TSNARE1: variants seen among roughly 807,000 people sequenced by gnomAD.
The protein encoded by TSNARE1 is t-SNARE domain-containing protein 1.
Under a neutral mutation model 62.0 loss-of-function variants are expected in TSNARE1, and 49 were observed. The ratio of observed to expected loss-of-function variants is 0.79; its 90% CI spans 0.63 to 1.00. The LOEUF (loss-of-function observed/expected upper bound fraction) is 1.00, where lower values mean the gene tolerates loss of function less well. TSNARE1 is among the 50% of genes least tolerant of loss of function. The pLI, the probability that TSNARE1 is intolerant of heterozygous loss-of-function variation, is 0.00. For missense variants in TSNARE1, 755 were observed against 700.1 expected (o/e 1.08, Z -0.88); for synonymous variants, 328 against 294.4 (o/e 1.11, Z -1.17).
At chr8:142,363,840 G>A (rs369278171) in intron 1 of TSNARE1, among the ~76,000 whole-genome samples, 60 of 152,208 alleles carry the variant, frequency 3.9e-4, no homozygotes, top group African/African-American at 1.3e-3. Context: ...GCAAGAGACC[G>A]GGATACCCAA....
chr8:142,273,990 C>T, intron 12 of TSNARE1: 1 of 985,274 alleles, frequency 1.0e-6, no homozygotes, highest in Non-Finnish European at 1.2e-6. Context: ...ACTGCCCCTG[C>T]TCCGCCCTCA....
chr8:142,303,005 C>T (rs1454913085), intron 9 of TSNARE1, among the ~76,000 whole-genome samples: 3 of 152,138 alleles, frequency 2.0e-5, no homozygotes, highest in East Asian at 3.9e-4. Context: ...CCACTCACGT[C>T]CAGAGCTCTT....
At chr8:142,329,324 T>TCTC (rs1830688790) in intron 6 of TSNARE1, among the ~76,000 whole-genome samples, 1 of 152,044 alleles carries the variant, frequency 6.6e-6, no homozygotes. Flanking sequence ...ACCAGGACAG[T>TCTC]CTCCTACTCC....
chr8:142,341,496 G>C (rs1832579780), intron 4 of TSNARE1, among the ~76,000 whole-genome samples: 1 of 152,178 alleles, frequency 6.6e-6, no homozygotes, highest in African/African-American at 2.4e-5. Flanking sequence ...AGGGGCCCCG[G>C]GGCCTGACCC....
At chr8:142,246,017 A>C (rs755688042) in intron 12 of TSNARE1, among the ~76,000 whole-genome samples, 1 of 152,184 alleles carries the variant, frequency 6.6e-6, no homozygotes, top group Non-Finnish European at 1.5e-5. Flanking sequence ...AGATCCAAAC[A>C]TGCTAATTCC....
chr8:142,274,774 G>T lies in TSNARE1; in HGVS notation c.1446+7C>A. ...GGCCGGGCACTGTGGCCCTCACACGGACTTACTTGGTGCCGGCTGGCTCCA... is the reference window on the plus strand; with the variant it reads ...GGCCGGGCACTGTGGCCCTCACACGTACTTACTTGGTGCCGGCTGGCTCCA... On this transcript the variant is annotated splice_region_variant and intron_variant, in intron 12 of 13. Coordinates refer to ENST00000524325, the MANE Select transcript of TSNARE1 (RefSeq NM_145003.5). The T allele has an allele frequency of 6.4e-7, 1 of 1,558,258 alleles. No homozygotes were observed. Among genetic ancestry groups the T allele is most frequent in the South Asian group, 1.2e-5 (1 of 83,588 alleles).
chr8:142,218,518 T>A (rs1241463297), intron 13 of TSNARE1, among the ~76,000 whole-genome samples: 1 of 152,056 alleles, frequency 6.6e-6, no homozygotes, highest in Non-Finnish European at 1.5e-5. Flanking sequence ...CATGTCCCCC[T>A]CTCATCCCAC....
intron 12 of TSNARE1, among the ~76,000 whole-genome samples, chr8:142,256,253 TCATCACCATCACC>T (rs1818542103): frequency 3.2e-4 from 17 of 53,480 alleles, no homozygotes; most frequent in East Asian, 7.3e-4. Flanking sequence ...ACCATCACCA[TCATCACCATCACC>T]ATCACCACCA....
At chr8:142,375,943 G>A (rs1198026801) in intron 1 of TSNARE1, among the ~76,000 whole-genome samples, 1 of 152,190 alleles carries the variant, frequency 6.6e-6, no homozygotes, top group East Asian at 1.9e-4. Context: ...GCAGCGGGCA[G>A]GGCCTCCTAG....
In TSNARE1 at chr8:142,217,885, G is replaced by GCTCA. The variant is rs1197211373; in HGVS notation, c.*12-5576_*12-5573dup. ...GGCTCAGTGTGTGGCCAGGATCAGG[G>GCTCA]CTCAGTGTGTGACCAGGATCAGGGC... On this transcript the variant is annotated intron_variant, in intron 13 of 13. Coordinates refer to ENST00000524325, the MANE Select transcript of TSNARE1 (RefSeq NM_145003.5). Among the ~76,000 whole-genome samples the GCTCA allele has an allele frequency of 9.4e-3, 63 of 6,688 alleles. 5 individuals are homozygous for GCTCA. The highest frequency in any genetic ancestry group is 0.013 in the Non-Finnish European group (36 of 2,758). The allele number at this position is 6,688 out of a possible 152,430, so 4.4% of individuals were successfully genotyped here. A position where few individuals can be genotyped will look rare whatever the true frequency, so the allele number is the denominator to read the frequency against.
At chr8:142,289,630 C>T (rs1009991157) in intron 10 of TSNARE1, among the ~76,000 whole-genome samples, 2 of 152,164 alleles carry the variant, frequency 1.3e-5, no homozygotes, top group Non-Finnish European at 2.9e-5. Flanking sequence ...ACTAGAGGCC[C>T]CAGATGCAAA....
At chr8:142,381,476 C>G (rs1159745485) in intron 1 of TSNARE1, among the ~76,000 whole-genome samples, 1 of 152,044 alleles carries the variant, frequency 6.6e-6, no homozygotes, top group South Asian at 2.1e-4. Context: ...GCGCCCCCCC[C>G]CACCCCACCA....
chr8:142,305,136 G>A (rs991545775), intron 9 of TSNARE1, among the ~76,000 whole-genome samples: 3 of 152,220 alleles, frequency 2.0e-5, no homozygotes, highest in African/African-American at 7.2e-5. Context: ...GGCAGCTAAT[G>A]CGGGCGAGTG....
At chr8:142,330,774 G>A in intron 6 of TSNARE1, 127 bp downstream of exon 6, 1 of 896,922 alleles carries the variant, frequency 1.1e-6, no homozygotes, top group Non-Finnish European at 1.8e-6. Context: ...GCACATGTGT[G>A]TCCAGGCAGC....
chr8:142,278,691 A>C (rs2130722089), intron 11 of TSNARE1: 1 of 985,384 alleles, frequency 1.0e-6, no homozygotes. Flanking sequence ...ACCAGACAGA[A>C]ACGCCTGGCT....
chr8:142,325,191 G>A (rs73370328), intron 6 of TSNARE1, among the ~76,000 whole-genome samples: 1,651 of 152,306 alleles, frequency 0.011, 25 homozygotes, highest in African/African-American at 0.037. Flanking sequence ...AGGGCAGCGC[G>A]GGCAGAAGCC....
At chr8:142,298,724 CTAT>C (rs1554646439) in intron 10 of TSNARE1, among the ~76,000 whole-genome samples, 1 of 152,222 alleles carries the variant, frequency 6.6e-6, no homozygotes, top group Non-Finnish European at 1.5e-5. Flanking sequence ...TCACGACACT[CTAT>C]GCCCCACAGG....
intron 7 of TSNARE1, among the ~76,000 whole-genome samples, chr8:142,318,144 C>G (rs973269770): frequency 1.3e-5 from 2 of 152,098 alleles, no homozygotes; most frequent in Admixed American, 6.5e-5. Flanking sequence ...GGAGGGTGCA[C>G]GTGCAGGTGG....
chr8:142,330,138 G>A (rs1325392528), intron 6 of TSNARE1, among the ~76,000 whole-genome samples: 2 of 152,232 alleles, frequency 1.3e-5, no homozygotes, highest in African/African-American at 2.4e-5. Flanking sequence ...CGGGCATCCC[G>A]CTCACTGCAG....
Sources: allele counts gnomAD v4.1 joint callset (sites outside exome capture counted in the v4.1 genomes callset), GRCh38; gene constraint gnomAD v4.1.1; transcripts MANE v1.5; gene names NCBI Gene and HGNC (gene_info 2026-07-23, HGNC 2026-07-21).